The following CADM2 variants were observed in gnomAD, a reference collection of about 807,000 sequenced individuals.
The protein encoded by CADM2 is cell adhesion molecule 2, also known as immunoglobulin superfamily member 4D.
Under a neutral mutation model 49.8 loss-of-function variants are expected in CADM2, and 12 were observed. The observed-to-expected ratio is 0.24, with a 90% CI of 0.15 to 0.39. The LOEUF is 0.39. CADM2 is among the 10% of genes least tolerant of loss of function. The pLI, the probability that CADM2 is intolerant of heterozygous loss-of-function variation, is 1.00. For synonymous variants in CADM2, 214 were observed against 175.4 expected (o/e 1.22, Z -1.74); for missense variants, 378 against 492.3 (o/e 0.77, Z 2.20).
At chr3:85,403,007 C>G (rs778050322) in intron 1 of CADM2, among the ~76,000 whole-genome samples, 1 of 152,072 alleles carries the variant, frequency 6.6e-6, no homozygotes, top group Non-Finnish European at 1.5e-5. Context: ...TCATTATTGC[C>G]TCACGGTAAA....
intron 1 of CADM2, among the ~76,000 whole-genome samples, chr3:85,398,784 G>C (rs899448174): frequency 6.6e-6 from 1 of 152,156 alleles, no homozygotes; most frequent in Non-Finnish European, 1.5e-5. Context: ...TAATGTGTCT[G>C]TTGGCTGCAT....
At chr3:86,043,257 G>T (rs1293496997) in intron 8 of CADM2, among the ~76,000 whole-genome samples, 1 of 152,058 alleles carries the variant, frequency 6.6e-6, no homozygotes, top group Non-Finnish European at 1.5e-5. Flanking sequence ...AAGAAATGAA[G>T]GGTATTCAGT....
At chr3:85,221,184 A>G (rs2042037160) in intron 1 of CADM2, among the ~76,000 whole-genome samples, 1 of 152,300 alleles carries the variant, frequency 6.6e-6, no homozygotes, top group Non-Finnish European at 1.5e-5. Context: ...TATCCAATAC[A>G]GGATAATAAG....
intron 7 of CADM2, among the ~76,000 whole-genome samples, chr3:85,961,254 A>G (rs7619901): frequency 0.011 from 1,683 of 151,534 alleles, 25 homozygotes; most frequent in African/African-American, 0.037. Context: ...CTCTGAATAC[A>G]TATCTGCTTA....
chr3:85,987,702 AT>A (rs1728285569), intron 8 of CADM2, among the ~76,000 whole-genome samples: 1 of 145,846 alleles, frequency 6.9e-6, no homozygotes, highest in South Asian at 2.1e-4. Context: ...TATAATAAAA[AT>A]AATATATAAA....
chr3:85,917,000 C>A (rs1377628437), intron 6 of CADM2, among the ~76,000 whole-genome samples: 5 of 151,978 alleles, frequency 3.3e-5, no homozygotes, highest in African/African-American at 1.2e-4. Context: ...ATATCCTTCG[C>A]CCACTTTTTG....
intron 1 of CADM2, among the ~76,000 whole-genome samples, chr3:85,183,128 T>G (rs2040976222): frequency 6.6e-6 from 1 of 152,150 alleles, no homozygotes; most frequent in East Asian, 1.9e-4. Flanking sequence ...AAATTAATAC[T>G]AAGCTTTTCA....
chr3:85,874,158 T>A (rs1711511960), intron 3 of CADM2, among the ~76,000 whole-genome samples: 1 of 152,230 alleles, frequency 6.6e-6, no homozygotes, highest in Non-Finnish European at 1.5e-5. Flanking sequence ...GTTTATTTCA[T>A]TAAATAATTA....
At chr3:85,507,237 G>T (rs1357734148) in intron 1 of CADM2, among the ~76,000 whole-genome samples, 2 of 146,478 alleles carry the variant, frequency 1.4e-5, no homozygotes, top group African/African-American at 5.1e-5. Context: ...AGGCTGGAGT[G>T]CAGTGGTGCG....
intron 1 of CADM2, among the ~76,000 whole-genome samples, chr3:85,154,530 T>G (rs957525119): frequency 3.3e-5 from 5 of 151,946 alleles, no homozygotes; most frequent in African/African-American, 9.7e-5. Flanking sequence ...ATATTATCCG[T>G]GAGAACTTCC....
intron 3 of CADM2, among the ~76,000 whole-genome samples, chr3:85,878,008 A>T (rs1259865410): frequency 6.6e-6 from 1 of 152,058 alleles, no homozygotes; most frequent in Admixed American, 6.6e-5. Flanking sequence ...TGAACTGTAG[A>T]TGACATCATA....
chr3:85,098,650 C>A (rs1367651079), intron 1 of CADM2, among the ~76,000 whole-genome samples: 1 of 152,140 alleles, frequency 6.6e-6, no homozygotes, highest in African/African-American at 2.4e-5. Context: ...ATATTCGTCC[C>A]TCAGTACACA....
At chr3:86,049,133 G>T (rs983863761) in intron 8 of CADM2, among the ~76,000 whole-genome samples, 10 of 152,098 alleles carry the variant, frequency 6.6e-5, no homozygotes, top group Middle Eastern at 3.4e-3. Context: ...ATGATTCAGT[G>T]AACAAAATAG....
rs191224739 is a variant in CADM2 at position 85,262,226 on chromosome 3, T to C, written c.61+302558T>C. Among the ~76,000 whole-genome samples the C allele has an allele frequency of 3.1e-4, 47 of 152,278 alleles. No individual in the cohort carries two copies. In the Middle Eastern group the frequency reaches 0.01, roughly 33 times the overall value. On this transcript the variant is annotated intron_variant, in intron 1 of 9. Coordinates refer to ENST00000383699, the MANE Select transcript of CADM2 (RefSeq NM_001167675.2). ...GCCTAATTTCTCCTGACTTAAATGA[T>C]ACATTAGGCATTTTAACCCAATTTC...
chr3:85,911,481 C>T (rs763509731), intron 5 of CADM2, among the ~76,000 whole-genome samples: 7 of 152,178 alleles, frequency 4.6e-5, no homozygotes, highest in South Asian at 2.1e-4. Flanking sequence ...AAGTGAAGAG[C>T]ATTCATCTCA....
At chr3:85,705,383 G>A (rs551942007) in intron 1 of CADM2, among the ~76,000 whole-genome samples, 8 of 152,188 alleles carry the variant, frequency 5.3e-5, no homozygotes, top group Admixed American at 4.6e-4. Flanking sequence ...GAGATTTAAA[G>A]CACAGAGACA....
chr3:85,936,526 ATC>A (rs1400199356), intron 7 of CADM2, among the ~76,000 whole-genome samples: 2 of 151,804 alleles, frequency 1.3e-5, no homozygotes, highest in Non-Finnish European at 2.9e-5. Flanking sequence ...AAGCAATATG[ATC>A]ATTCTAATAC....
At chr3:85,307,012 T>G (rs2044228818) in intron 1 of CADM2, among the ~76,000 whole-genome samples, 1 of 151,680 alleles carries the variant, frequency 6.6e-6, no homozygotes, top group African/African-American at 2.4e-5. Context: ...GTTGACCTGT[T>G]CTTGAACTTC....
intron 8 of CADM2, among the ~76,000 whole-genome samples, chr3:85,962,280 A>AT (rs1724934067): frequency 6.6e-6 from 1 of 151,942 alleles, no homozygotes; most frequent in Non-Finnish European, 1.5e-5. Context: ...TGAAAATTAC[A>AT]TTTCCTTTAA....
Sources: gnomAD v4.1 joint callset for allele counts (sites outside exome capture counted in the v4.1 genomes callset) on GRCh38, gnomAD v4.1.1 for gene constraint, MANE v1.5 for transcripts, NCBI Gene and HGNC (gene_info 2026-07-23, HGNC 2026-07-21) for gene names.